Variants in ZSWIM5 observed in about 807,000 individuals in gnomAD.
The protein encoded by ZSWIM5 is zinc finger SWIM-type containing 5, also known as zinc finger SWIM domain-containing protein 5.
Under a neutral mutation model 119.6 loss-of-function variants are expected in ZSWIM5, and 55 were observed. That is an observed-to-expected ratio of 0.46 (90% confidence interval 0.37 to 0.58). ZSWIM5 has a LOEUF of 0.58. Among genes scored for constraint, ZSWIM5 ranks in the 20% least tolerant of loss-of-function variants. ZSWIM5 has a pLI of 0.00. For synonymous variants in ZSWIM5, 537 were observed against 606.9 expected (o/e 0.88, Z 1.69); for missense variants, 1,193 against 1,512.8 (o/e 0.79, Z 3.51).
At chr1:45,125,765 CA>C (rs77954473) in intron 1 of ZSWIM5, among the ~76,000 whole-genome samples, 217 of 111,774 alleles carry the variant, frequency 1.9e-3, no homozygotes, top group Middle Eastern at 5.2e-3. Context: ...CTCCGTTTCA[CA>C]AAAAAAAAAA....
chr1:45,032,563 G>A (rs979865988), intron 11 of ZSWIM5, among the ~76,000 whole-genome samples: 9 of 146,882 alleles, frequency 6.1e-5, no homozygotes, highest in South Asian at 2.2e-4. Flanking sequence ...TCGGCTCACC[G>A]CAACCTCTGC....
intron 1 of ZSWIM5, among the ~76,000 whole-genome samples, chr1:45,147,095 A>G (rs1645766298): frequency 6.6e-6 from 1 of 150,736 alleles, no homozygotes; most frequent in South Asian, 2.1e-4. Flanking sequence ...TTTTTTTTTA[A>G]ACAGGGTCTC....
At chr1:45,037,253 G>C (rs552578289) in intron 8 of ZSWIM5, among the ~76,000 whole-genome samples, 1 of 151,786 alleles carries the variant, frequency 6.6e-6, no homozygotes, top group Non-Finnish European at 1.5e-5. Context: ...TGGGATTACA[G>C]GCACACACCA....
chr1:45,144,927 G>T (rs1296726489), intron 1 of ZSWIM5, among the ~76,000 whole-genome samples: 1 of 151,896 alleles, frequency 6.6e-6, no homozygotes, highest in Non-Finnish European at 1.5e-5. Context: ...ATCCAATAAA[G>T]GACTTGCATC....
chr1:45,130,282 A>G (rs1469301286), intron 1 of ZSWIM5, among the ~76,000 whole-genome samples: 1 of 152,196 alleles, frequency 6.6e-6, no homozygotes, highest in Non-Finnish European at 1.5e-5. Flanking sequence ...GGATGAAAGG[A>G]CAAGCTACAG....
intron 1 of ZSWIM5, among the ~76,000 whole-genome samples, chr1:45,175,763 A>G (rs1330933362): frequency 1.3e-5 from 2 of 151,994 alleles, no homozygotes; most frequent in East Asian, 3.9e-4. Flanking sequence ...TTAAAAAAAA[A>G]AAACCATTGA....
chr1:45,197,667 G>C (rs2149056067), intron 1 of ZSWIM5, among the ~76,000 whole-genome samples: 2 of 152,306 alleles, frequency 1.3e-5, no homozygotes, highest in Middle Eastern at 6.8e-3. Context: ...TGTGAAGTTT[G>C]TGGAAAATGA....
At chr1:45,079,820 T>A (rs1645278643) in intron 2 of ZSWIM5, among the ~76,000 whole-genome samples, 1 of 152,154 alleles carries the variant, frequency 6.6e-6, no homozygotes, top group Non-Finnish European at 1.5e-5. Context: ...CCCCCAGTGC[T>A]CTTCAGCTAG....
chr1:45,150,352 C>T (rs533123702), intron 1 of ZSWIM5, among the ~76,000 whole-genome samples: 7 of 152,126 alleles, frequency 4.6e-5, no homozygotes, highest in East Asian at 1.9e-4. Context: ...GAAGTATTGA[C>T]GAGCATCAGG....
intron 1 of ZSWIM5, among the ~76,000 whole-genome samples, chr1:45,136,853 G>A (rs563171419): frequency 6.6e-6 from 1 of 152,222 alleles, no homozygotes; most frequent in African/African-American, 2.4e-5. Flanking sequence ...AGCCTGGGGT[G>A]TTTACCAGGG....
At chr1:45,066,964 CA>C (rs1310556461) in intron 2 of ZSWIM5, among the ~76,000 whole-genome samples, 1 of 152,140 alleles carries the variant, frequency 6.6e-6, no homozygotes, top group Non-Finnish European at 1.5e-5. Context: ...GGAGTAACTA[CA>C]AGGTTTTCAT....
rs778646201 is a variant in ZSWIM5 at position 45,018,544 on chromosome 1, G to A, written c.3468C>T (p.His1156=). 5.6e-6 allele frequency: 9 copies of A among 1,614,076 alleles called. No individual in the cohort carries two copies. The highest frequency in any genetic ancestry group is 1.1e-5 in the South Asian group (1 of 91,084). The change falls in exon 14 of 14, where the codon CAC becomes CAT. Residue 1156 remains histidine, a synonymous_variant. Transcript: ENST00000359600. This position sits in a 1 kb window ranked among gnomAD's most constrained non-coding sequence, Gnocchi z 6.7. The part of the protein sequence containing the change: ...RETFLLPQDG[H]LQFAQFIDNL... The stretch of plus-strand genomic sequence containing the variant: ...TGTCGATGAACTGGGCAAACTGCAG[G>A]TGGCCATCCTGGGGCAGCAGGAAGG...
At chr1:45,177,119 T>C (rs1269529326) in intron 1 of ZSWIM5, among the ~76,000 whole-genome samples, 1 of 152,144 alleles carries the variant, frequency 6.6e-6, no homozygotes, top group Non-Finnish European at 1.5e-5. Flanking sequence ...AGTATCATTG[T>C]ATGACACCTC....
intron 1 of ZSWIM5, among the ~76,000 whole-genome samples, chr1:45,182,505 T>C (rs1337457435): frequency 6.6e-6 from 1 of 151,674 alleles, no homozygotes; most frequent in Non-Finnish European, 1.5e-5. Context: ...AGGAAACCCA[T>C]CTCACGTGCA....
chr1:45,123,606 T>A (rs576675715), intron 1 of ZSWIM5, among the ~76,000 whole-genome samples: 18 of 151,768 alleles, frequency 1.2e-4, no homozygotes, highest in Non-Finnish European at 2.1e-4. Context: ...CACACCAGAG[T>A]CTCAGGGACC....
intron 1 of ZSWIM5, among the ~76,000 whole-genome samples, chr1:45,097,207 A>T (rs987674396): frequency 6.6e-6 from 1 of 152,244 alleles, no homozygotes; most frequent in Admixed American, 6.5e-5. Flanking sequence ...CCCAGCATTA[A>T]GGCTGGGGAA....
chr1:45,087,813 G>A (rs1645340051), intron 2 of ZSWIM5, 68 bp downstream of exon 2: 1 of 1,128,546 alleles, frequency 8.9e-7, no homozygotes, highest in South Asian at 1.5e-5. Flanking sequence ...GTAGAGGTAA[G>A]AGGGTTGCTT....
intron 1 of ZSWIM5, among the ~76,000 whole-genome samples, chr1:45,100,723 C>A (rs1028866575): frequency 3.3e-5 from 5 of 152,236 alleles, no homozygotes; most frequent in Middle Eastern, 3.4e-3. Context: ...TGGAACAGAA[C>A]AGAGGCCTCA....
intron 1 of ZSWIM5, among the ~76,000 whole-genome samples, chr1:45,098,587 G>C (rs1454689118): frequency 6.6e-6 from 1 of 152,104 alleles, no homozygotes; most frequent in Non-Finnish European, 1.5e-5. Flanking sequence ...CAAATCAACA[G>C]AATATACATT....
Sources: gnomAD v4.1 joint callset for allele counts (sites outside exome capture counted in the v4.1 genomes callset) on GRCh38, gnomAD v4.1.1 for gene constraint, Gnocchi (gnomAD v3.1) non-coding constraint, MANE v1.5 for transcripts, NCBI Gene and HGNC (gene_info 2026-07-23, HGNC 2026-07-21) for gene names.